The following EYA2 variants were observed in gnomAD, a reference collection of about 807,000 sequenced individuals.
EYA2 encodes the protein protein phosphatase EYA2.
EYA2 carries 31 observed loss-of-function variants against 69.2 expected under a neutral mutation model. The ratio of observed to expected loss-of-function variants is 0.45; its 90% CI spans 0.34 to 0.60. The LOEUF (loss-of-function observed/expected upper bound fraction) is 0.60, where lower values mean the gene tolerates loss of function less well. Ranked by LOEUF, EYA2 falls within the 20% of genes least tolerant of loss-of-function variation. The probability of loss-of-function intolerance (pLI) is 0.02; values close to 1 mark genes in which losing one functional copy is unlikely to be tolerated. For synonymous variants in EYA2, 257 were observed against 279.4 expected (o/e 0.92, Z 0.80); for missense variants, 622 against 701.2 (o/e 0.89, Z 1.28).
chr20:47,031,071 G>A lies in EYA2; in HGVS notation c.415+14774G>A, dbSNP rs865964211. Reference sequence around the variant, plus strand: ...GGGGGCCACAATTCAGTTGCAACACGCAGTGGGTAAGGAAATGAGCAAATG... The same window carrying A: ...GGGGGCCACAATTCAGTTGCAACACACAGTGGGTAAGGAAATGAGCAAATG... On this transcript the variant is annotated intron_variant, in intron 5 of 15. Transcript: ENST00000327619. Among the ~76,000 whole-genome samples, 10 of 152,310 alleles carry A rather than the reference G, an allele frequency of 6.6e-5. No homozygotes were observed. The Middle Eastern group carries it at 0.024, about 363-fold the overall frequency.
intron 5 of EYA2, among the ~76,000 whole-genome samples, chr20:47,062,690 G>A (rs374008622): frequency 3.5e-4 from 53 of 152,230 alleles, no homozygotes; most frequent in Admixed American, 5.9e-4. Context: ...TGGGAGGGCC[G>A]GGCCCAGCTT....
At chr20:47,056,506 T>C (rs1366954487) in intron 5 of EYA2, among the ~76,000 whole-genome samples, 2 of 152,212 alleles carry the variant, frequency 1.3e-5, no homozygotes, top group Non-Finnish European at 2.9e-5. Context: ...TCCCGTTTGT[T>C]GAACATGTAC....
chr20:47,162,108 C>A (rs73311525), intron 10 of EYA2, among the ~76,000 whole-genome samples: 1 of 152,258 alleles, frequency 6.6e-6, no homozygotes, highest in African/African-American at 2.4e-5. Flanking sequence ...GGTCTCTGTC[C>A]TCGTCATCAC....
chr20:47,097,032 T>G, intron 8 of EYA2, 53 bp from the exon 9 acceptor site: 7 of 1,300,592 alleles, frequency 5.4e-6, no homozygotes, highest in Non-Finnish European at 7.7e-6. Flanking sequence ...AGACATTAAG[T>G]CAGATGCACG....
chr20:47,036,055 G>C (rs6124922), intron 5 of EYA2, among the ~76,000 whole-genome samples: 1 of 152,194 alleles, frequency 6.6e-6, no homozygotes, highest in East Asian at 1.9e-4. Context: ...GGGCTTCTGG[G>C]GACCACGGAC....
At chr20:47,135,285 T>A (rs6122556) in intron 9 of EYA2, among the ~76,000 whole-genome samples, 41,648 of 151,728 alleles carry the variant, frequency 0.27, 7,132 homozygotes, top group East Asian at 0.39. Context: ...ACGTATTTAA[T>A]CTTTACAACA....
At chr20:46,922,601 A>G (rs554256568) in intron 1 of EYA2, among the ~76,000 whole-genome samples, 25 of 152,334 alleles carry the variant, frequency 1.6e-4, no homozygotes, top group African/African-American at 6.0e-4. Flanking sequence ...ATAAGTAAAT[A>G]GGGAGGAGGG....
In EYA2 at chr20:47,188,512, C is replaced by A; in HGVS notation, c.*379C>A. The A allele has an allele frequency of 2.1e-6, 1 of 479,570 alleles. No individual in the cohort carries two copies. Among genetic ancestry groups the A allele is most frequent in the Non-Finnish European group, 3.7e-6 (1 of 273,344 alleles). The allele number at this position is 479,570 out of a possible 1,614,324, so 29.7% of individuals were successfully genotyped here. A position where few individuals can be genotyped will look rare whatever the true frequency, so the allele number is the denominator to read the frequency against. ...AGTCTCATTACTCCGGAATTATGCT[C>A]TTGTACCTGTGTGGCTGGGTTTCTT... On this transcript the variant is annotated 3_prime_UTR_variant, in exon 16 of 16. Transcript: ENST00000327619.
At position 47,089,508 on chromosome 20, in the gene EYA2, G is replaced by A. The variant is rs1600701068; in HGVS notation, c.804+127G>A. ...GCCCTTCGTGTTTTACAAAGCATGA[G>A]CAGGGAAGCATGAGGTTGTCCAAGC... On this transcript the variant is annotated intron_variant, in intron 8 of 15. Transcript: ENST00000327619. The A allele has an allele frequency of 9.8e-6, 11 of 1,118,162 alleles. No homozygotes were observed. In the East Asian group the frequency reaches 2.8e-4, roughly 28 times the overall value. 69.3% of individuals were successfully genotyped at this position (1,118,162 alleles called of 1,614,324 possible).
At chr20:47,123,385 A>G (rs978877739) in intron 9 of EYA2, among the ~76,000 whole-genome samples, 1 of 152,164 alleles carries the variant, frequency 6.6e-6, no homozygotes, top group East Asian at 1.9e-4. Context: ...GGTCAGATAT[A>G]ACCAGGTCCA....
intron 15 of EYA2, 68 bp downstream of exon 15, chr20:47,183,459 T>G: frequency 7.1e-7 from 1 of 1,410,252 alleles, no homozygotes; most frequent in Non-Finnish European, 9.8e-7. Context: ...CTTCAAGGGC[T>G]CCTTCCATGA....
At chr20:47,060,367 G>T (rs932731485) in intron 5 of EYA2, among the ~76,000 whole-genome samples, 13 of 151,996 alleles carry the variant, frequency 8.6e-5, no homozygotes, top group African/African-American at 3.1e-4. Flanking sequence ...GCCCAACATG[G>T]CTGCAGTCAC....
intron 1 of EYA2, among the ~76,000 whole-genome samples, chr20:46,987,964 C>CTCTCTCTCTTTATATATA (rs1555809797): frequency 8.9e-5 from 1 of 11,280 alleles, no homozygotes; most frequent in Non-Finnish European, 1.7e-4. Flanking sequence ...CTCTCTCTCT[C>CTCTCTCTCTTTATATATA]TATATATATA....
chr20:47,026,037 A>G (rs1984062303), intron 5 of EYA2, among the ~76,000 whole-genome samples: 1 of 152,264 alleles, frequency 6.6e-6, no homozygotes, highest in Non-Finnish European at 1.5e-5. Flanking sequence ...AGGCATACCA[A>G]TATTTAAGCA....
At chr20:47,014,641 T>C (rs913199571) in intron 4 of EYA2, among the ~76,000 whole-genome samples, 5 of 119,076 alleles carry the variant, frequency 4.2e-5, no homozygotes, top group African/African-American at 1.7e-4. Context: ...TGTGTGTGTG[T>C]GTGTGTGTGT....
chr20:46,973,874 A>G (rs182963036), intron 1 of EYA2, among the ~76,000 whole-genome samples: 10 of 152,008 alleles, frequency 6.6e-5, no homozygotes, highest in African/African-American at 2.2e-4. Context: ...AACATTTTTA[A>G]AAAAACTCAT....
intron 10 of EYA2, among the ~76,000 whole-genome samples, chr20:47,164,158 C>G (rs974488697): frequency 2.0e-5 from 3 of 152,146 alleles, no homozygotes; most frequent in African/African-American, 7.2e-5. Flanking sequence ...ATTCTCTTCC[C>G]TGGAGGCTCC....
chr20:47,085,438 G>A (rs1458697141), intron 7 of EYA2, among the ~76,000 whole-genome samples: 3 of 151,960 alleles, frequency 2.0e-5, no homozygotes, highest in Non-Finnish European at 4.4e-5. Flanking sequence ...ATGAGGTCAA[G>A]AGATCGAGAC....
chr20:47,033,209 A>G (rs1412797837), intron 5 of EYA2, among the ~76,000 whole-genome samples: 4 of 152,150 alleles, frequency 2.6e-5, no homozygotes, highest in Admixed American at 2.0e-4. Context: ...GAGAGCCAAG[A>G]GGAGGCAAAT....
Sources: allele counts gnomAD v4.1 joint callset (sites outside exome capture counted in the v4.1 genomes callset), GRCh38; gene constraint gnomAD v4.1.1; transcripts MANE v1.5; gene names NCBI Gene and HGNC (gene_info 2026-07-23, HGNC 2026-07-21).